Variants in PRSS23 observed in about 807,000 individuals in gnomAD.
The protein encoded by PRSS23 is serine protease 23.
PRSS23 carries 25 observed loss-of-function variants against 34.7 expected under a neutral mutation model. That is an observed-to-expected ratio of 0.72 (90% CI 0.53 to 1.01). PRSS23 has a LOEUF of 1.01. Ranked by LOEUF, PRSS23 falls within the 50% of genes least tolerant of loss-of-function variation. The pLI, the probability that PRSS23 is intolerant of heterozygous loss-of-function variation, is 0.00. For synonymous variants in PRSS23, 176 were observed against 186.6 expected, an observed-to-expected ratio of 0.94 and a Z score of 0.46; for missense variants, 445 against 475.6, an observed-to-expected ratio of 0.94 and a Z score of 0.60.
intron 2 of PRSS23, chr11:86,857,420 T>A: frequency 3.0e-6 from 1 of 338,648 alleles, no homozygotes. Flanking sequence ...AATATGTTAT[T>A]GATGATGCTG....
chr11:86,928,291 CAT>C (rs1949096070), intron 2 of PRSS23, among the ~76,000 whole-genome samples: 1 of 147,592 alleles, frequency 6.8e-6, no homozygotes, highest in Non-Finnish European at 1.5e-5. Context: ...ATTACATTAA[CAT>C]AAATATACTT....
chr11:86,830,777 C>T lies in PRSS23; in HGVS notation c.206+7184C>T, dbSNP rs570735569. The stretch of plus-strand genomic sequence containing the variant: ...ACCCTTTAACATTATTTGTAATATC[C>T]TAGGAAGATATTACTCCTAATATCT... On this transcript the variant is annotated intron_variant, in intron 2 of 2. Transcript: ENST00000533902. Among the ~76,000 whole-genome samples the T allele has an allele frequency of 3.9e-5, 6 of 152,154 alleles. No homozygotes were observed. The South Asian group carries it at 1.2e-3, about 32-fold the overall frequency.
chr11:86,920,086 T>C (rs1217204854), intron 2 of PRSS23, among the ~76,000 whole-genome samples: 1 of 152,126 alleles, frequency 6.6e-6, no homozygotes, highest in Non-Finnish European at 1.5e-5. Context: ...GCCCCAGGTG[T>C]TTTTTAGGGC....
chr11:86,849,772 G>A (rs887835557), intron 2 of PRSS23, among the ~76,000 whole-genome samples: 5 of 152,046 alleles, frequency 3.3e-5, no homozygotes, highest in African/African-American at 1.2e-4. Flanking sequence ...AGATACCAGA[G>A]GAAGCAGAAT....
intron 1 of PRSS23, among the ~76,000 whole-genome samples, chr11:86,795,106 T>A (rs1210563463): frequency 6.6e-6 from 1 of 152,284 alleles, no homozygotes; most frequent in African/African-American, 2.4e-5. Context: ...TCTTATAAAG[T>A]CTGGATTAAA....
At position 86,938,157 on chromosome 11, in the gene PRSS23, G is replaced by A. The variant is rs144251546; in HGVS notation, c.207-13059G>A. On this transcript the variant is annotated intron_variant, in intron 2 of 2. Coordinates refer to the PRSS23 transcript ENST00000533902. ...GCCAGGATGTCAGTGAACATTTGTC[G>A]AGCACCCGAACCAGCATTGGGCGCA... Among the ~76,000 whole-genome samples the A allele has an allele frequency of 1.7e-3, 260 of 152,218 alleles. 1 individual carries two copies. The highest frequency in any genetic ancestry group is 2.9e-3 in the Non-Finnish European group (195 of 68,024).
chr11:86,830,287 C>T (rs1003699965), intron 2 of PRSS23, among the ~76,000 whole-genome samples: 10 of 152,216 alleles, frequency 6.6e-5, no homozygotes, highest in Non-Finnish European at 1.5e-4. Flanking sequence ...GCATAGGACC[C>T]TCCGAGCCAG....
At chr11:86,870,029 T>C (rs1485417757) in intron 2 of PRSS23, among the ~76,000 whole-genome samples, 2 of 152,142 alleles carry the variant, frequency 1.3e-5, no homozygotes, top group Admixed American at 6.5e-5. Flanking sequence ...CTTTCAACAC[T>C]GAGTAAAGGG....
chr11:86,920,110 C>G (rs190213640), intron 2 of PRSS23, among the ~76,000 whole-genome samples: 1 of 152,068 alleles, frequency 6.6e-6, no homozygotes, highest in Non-Finnish European at 1.5e-5. Flanking sequence ...TAGTGCAGTC[C>G]CAGAGAGGGA....
intron 2 of PRSS23, chr11:86,857,145 G>T (rs530925323): frequency 3.4e-4 from 113 of 331,286 alleles, no homozygotes; most frequent in Non-Finnish European, 5.5e-4. Context: ...AGATGAAAGG[G>T]TTCAGCATGG....
upstream of PRSS23, among the ~76,000 whole-genome samples, chr11:86,798,234 A>G (rs982486947): frequency 3.9e-5 from 6 of 152,232 alleles, no homozygotes; most frequent in Non-Finnish European, 7.3e-5. Context: ...TTATAATAAA[A>G]GATAAACACA....
chr11:86,803,490 G>T (rs1948064010), intron 1 of PRSS23, among the ~76,000 whole-genome samples: 1 of 152,118 alleles, frequency 6.6e-6, no homozygotes, highest in South Asian at 2.1e-4. Context: ...TGTCTTCTAA[G>T]GAATTACTCC....
At chr11:86,912,285 T>G (rs1282700478) in intron 2 of PRSS23, 1 of 152,360 alleles carries the variant, frequency 6.6e-6, no homozygotes, top group African/African-American at 2.4e-5. Flanking sequence ...TATTGGAGAT[T>G]CATTAAACTT....
chr11:86,852,005 A>G (rs1378028154), intron 2 of PRSS23, among the ~76,000 whole-genome samples: 1 of 152,124 alleles, frequency 6.6e-6, no homozygotes, highest in South Asian at 2.1e-4. Context: ...CAGTTTGCAT[A>G]TTGGTCTCCT....
downstream of PRSS23, among the ~76,000 whole-genome samples, chr11:86,814,711 T>C (rs1948203203): frequency 6.6e-6 from 1 of 152,166 alleles, no homozygotes; most frequent in Non-Finnish European, 1.5e-5. Context: ...ATGCTTATCA[T>C]GCCTGTGAAT....
chr11:86,847,500 G>A (rs376502986), intron 2 of PRSS23, among the ~76,000 whole-genome samples: 4 of 152,268 alleles, frequency 2.6e-5, no homozygotes, highest in Admixed American at 6.5e-5. Context: ...GCGGCCATGA[G>A]CTTTCAGCAC....
chr11:86,893,778 T>C (rs752618145), intron 2 of PRSS23, among the ~76,000 whole-genome samples: 4 of 152,156 alleles, frequency 2.6e-5, no homozygotes, highest in African/African-American at 4.8e-5. Flanking sequence ...CATACAAATA[T>C]AAAATGAATA....
chr11:86,870,174 A>T (rs370444694), intron 2 of PRSS23, among the ~76,000 whole-genome samples: 2 of 152,116 alleles, frequency 1.3e-5, no homozygotes, highest in African/African-American at 4.8e-5. Context: ...CTTGGATGGA[A>T]CTAGCATCCC....
downstream of PRSS23, among the ~76,000 whole-genome samples, chr11:86,814,615 C>G (rs1191026952): frequency 5.3e-5 from 8 of 152,158 alleles, no homozygotes. Context: ...GTCCTCCAAG[C>G]CTCAGCTGTT....
Sources: gnomAD v4.1 joint callset for allele counts (sites outside exome capture counted in the v4.1 genomes callset) on GRCh38, gnomAD v4.1.1 for gene constraint, MANE v1.5 for transcripts, NCBI Gene and HGNC (gene_info 2026-07-23, HGNC 2026-07-21) for gene names.